SLC25A21: variants seen among roughly 807,000 people sequenced by gnomAD.
SLC25A21 encodes the protein solute carrier family 25 member 21.
Under a neutral mutation model 43.8 loss-of-function variants are expected in SLC25A21, and 47 were observed. The ratio of observed to expected loss-of-function variants is 1.07; its 90% CI spans 0.85 to 1.37. SLC25A21 has a LOEUF of 1.37. SLC25A21 is among the 40% of genes most tolerant of loss of function. SLC25A21 has a pLI of 0.00. For synonymous variants in SLC25A21, 131 were observed against 121.3 expected (o/e 1.08, Z -0.52); for missense variants, 352 against 350.2 (o/e 1.00, Z -0.04).
intron 7 of SLC25A21, among the ~76,000 whole-genome samples, chr14:36,708,308 T>C (rs574013103): frequency 3.5e-4 from 53 of 152,326 alleles, no homozygotes; most frequent in African/African-American, 1.2e-3. Flanking sequence ...TTCAGAGTCC[T>C]GATTAATAAA....
chr14:36,962,873 A>G (rs1303323379), intron 1 of SLC25A21, among the ~76,000 whole-genome samples: 1 of 152,202 alleles, frequency 6.6e-6, no homozygotes, highest in Non-Finnish European at 1.5e-5. Context: ...ATTCATTTTT[A>G]ATAATTTATA....
intron 2 of SLC25A21, among the ~76,000 whole-genome samples, chr14:36,852,791 C>A (rs998277915): frequency 2.0e-5 from 3 of 151,896 alleles, no homozygotes; most frequent in Admixed American, 6.6e-5. Flanking sequence ...AGTTCCAAGA[C>A]AAACACACAG....
chr14:36,931,604 T>C (rs1003682483), intron 1 of SLC25A21, among the ~76,000 whole-genome samples: 2 of 152,086 alleles, frequency 1.3e-5, no homozygotes, highest in African/African-American at 4.8e-5. Flanking sequence ...CATTCAAAGA[T>C]TTTAAATGGA....
chr14:36,778,595 C>T (rs1453615232), intron 3 of SLC25A21, among the ~76,000 whole-genome samples: 1 of 152,132 alleles, frequency 6.6e-6, no homozygotes, highest in East Asian at 1.9e-4. Flanking sequence ...TTGTCATTAC[C>T]CCCATTTTAT....
rs576373473 is a variant in SLC25A21, at chr14:37,031,780, TGAGGCTAC to T, written c.70+140493_70+140500del. 1.8e-3 allele frequency among the ~76,000 whole-genome samples: 274 copies of T among 152,338 alleles called. 2 individuals are homozygous for T. The highest frequency in any genetic ancestry group is 3.3e-3 in the Non-Finnish European group (226 of 68,014). ...CATTCCACAGCCATCATTTTACATA[TGAGGCTAC>T]TGAAGCCTTCAAAGATGAAAGGACT... On this transcript the variant is annotated intron_variant, in intron 1 of 9. Transcript: ENST00000331299.
intron 1 of SLC25A21, among the ~76,000 whole-genome samples, chr14:37,048,969 G>A (rs1961647949): frequency 1.3e-5 from 2 of 152,094 alleles, no homozygotes; most frequent in Admixed American, 6.5e-5. Context: ...ACCTGTGGGG[G>A]GTTTGCTTTT....
intron 1 of SLC25A21, among the ~76,000 whole-genome samples, chr14:37,156,573 G>T (rs566001219): frequency 1.3e-5 from 2 of 152,056 alleles, no homozygotes; most frequent in African/African-American, 4.8e-5. Flanking sequence ...TAAAAGTAAA[G>T]GAAAAGGAAA....
At chr14:37,157,475 T>C (rs541960995) in intron 1 of SLC25A21, among the ~76,000 whole-genome samples, 12 of 152,176 alleles carry the variant, frequency 7.9e-5, no homozygotes, top group Non-Finnish European at 1.5e-4. Context: ...AAGCTGAACA[T>C]GTTCCTGAAT....
At chr14:37,171,150 G>A (rs1317700486) in intron 1 of SLC25A21, among the ~76,000 whole-genome samples, 7 of 140,648 alleles carry the variant, frequency 5.0e-5, no homozygotes, top group Admixed American at 4.3e-4. Flanking sequence ...GGTGGGGAGG[G>A]GAGGGGAAAG....
chr14:36,877,663 G>A (rs753001417), intron 1 of SLC25A21, among the ~76,000 whole-genome samples: 6 of 152,152 alleles, frequency 3.9e-5, no homozygotes, highest in Non-Finnish European at 5.9e-5. Flanking sequence ...GGGAGCAGGT[G>A]AGGGGTAGGG....
At chr14:37,094,321 G>A (rs1409076849) in intron 1 of SLC25A21, among the ~76,000 whole-genome samples, 2 of 152,094 alleles carry the variant, frequency 1.3e-5, no homozygotes, top group East Asian at 1.9e-4. Context: ...GACACAAAAA[G>A]GTGCCTTACA....
At chr14:37,134,213 T>G (rs1963439239) in intron 1 of SLC25A21, among the ~76,000 whole-genome samples, 1 of 152,176 alleles carries the variant, frequency 6.6e-6, no homozygotes, top group South Asian at 2.1e-4. Context: ...TTTTTGTACT[T>G]GTGAGACTTG....
intron 1 of SLC25A21, among the ~76,000 whole-genome samples, chr14:37,082,509 C>T (rs946923695): frequency 6.6e-6 from 1 of 152,148 alleles, no homozygotes; most frequent in Non-Finnish European, 1.5e-5. Context: ...CTCCTTTTGT[C>T]TTCCTAAACC....
At chr14:36,819,762 A>G (rs1888566851) in intron 2 of SLC25A21, among the ~76,000 whole-genome samples, 1 of 152,128 alleles carries the variant, frequency 6.6e-6, no homozygotes, top group Non-Finnish European at 1.5e-5. Context: ...ATGCATATAT[A>G]GTATATATAC....
rs182987730 is a variant in SLC25A21, at chr14:36,950,596, T to C, written c.71-75592A>G. ...TATTTAAGCCACCCAGTCTGTGGTA[T>C]ATTGTTATGGCAGCCCTAGCAAATG... is the stretch of plus-strand genomic sequence containing the variant. On this transcript the variant is annotated intron_variant, in intron 1 of 9. Coordinates refer to ENST00000331299, the MANE Select transcript of SLC25A21 (RefSeq NM_030631.4). Among the ~76,000 whole-genome samples, 163 of 152,292 alleles carry C rather than the reference T, an allele frequency of 1.1e-3. 1 individual carries two copies. Among genetic ancestry groups the C allele is most frequent in the African/African-American group, 3.7e-3 (153 of 41,556 alleles).
intron 1 of SLC25A21, among the ~76,000 whole-genome samples, chr14:36,965,969 T>A (rs897444754): frequency 6.6e-6 from 1 of 152,244 alleles, no homozygotes; most frequent in Non-Finnish European, 1.5e-5. Context: ...ATTACATGCA[T>A]GTACCAAAAT....
At chr14:36,872,490 T>C (rs1344531187) in intron 2 of SLC25A21, among the ~76,000 whole-genome samples, 2 of 152,208 alleles carry the variant, frequency 1.3e-5, no homozygotes, top group Non-Finnish European at 2.9e-5. Flanking sequence ...CCTGCCTACT[T>C]GATGTCATCT....
intron 1 of SLC25A21, among the ~76,000 whole-genome samples, chr14:36,948,231 C>G (rs1421927417): frequency 2.0e-5 from 3 of 152,212 alleles, no homozygotes; most frequent in Non-Finnish European, 4.4e-5. Flanking sequence ...AAGTCAGTGG[C>G]TTCGATTTTT....
chr14:36,711,948 T>A (rs1184590754), intron 6 of SLC25A21, among the ~76,000 whole-genome samples: 1 of 152,230 alleles, frequency 6.6e-6, no homozygotes, highest in African/African-American at 2.4e-5. Flanking sequence ...TTGATTCAAT[T>A]GCCTCAATGG....
Sources: allele counts gnomAD v4.1 joint callset (sites outside exome capture counted in the v4.1 genomes callset), GRCh38; gene constraint gnomAD v4.1.1; transcripts MANE v1.5; gene names NCBI Gene and HGNC (gene_info 2026-07-23, HGNC 2026-07-21).